Variants in SLC25A10 observed in about 807,000 individuals in gnomAD.
The protein encoded by SLC25A10 is solute carrier family 25 member 10.
Under a neutral mutation model 40.4 loss-of-function variants are expected in SLC25A10, and 32 were observed. The observed-to-expected ratio is 0.79, with a 90% CI of 0.60 to 1.06. SLC25A10 has a LOEUF of 1.06. Ranked by LOEUF, SLC25A10 falls within the 50% of genes least tolerant of loss-of-function variation. SLC25A10 has a pLI of 0.00. For synonymous variants in SLC25A10, 181 were observed against 171.1 expected, an observed-to-expected ratio of 1.06 and a Z score of -0.45; for missense variants, 394 against 402.6, an observed-to-expected ratio of 0.98 and a Z score of 0.18.
chr17:81,717,770 A>C lies in SLC25A10; in HGVS notation c.628-14A>C. On this transcript the variant is annotated splice_polypyrimidine_tract_variant and intron_variant, in intron 8 of 10. Transcript: ENST00000350690. Reference sequence around the variant, plus strand: ...CGTACCTGACAGGCCGCTGGTGACGAGCCCCCTCCTCAGGGTGGATGTGCC... The same window carrying C: ...CGTACCTGACAGGCCGCTGGTGACGCGCCCCCTCCTCAGGGTGGATGTGCC... 6.2e-7 allele frequency: 1 copy of C among 1,609,374 alleles called. No individual in the cohort carries two copies. Among genetic ancestry groups the C allele is most frequent in the Non-Finnish European group, 8.5e-7 (1 of 1,178,808 alleles).
rs2144548239 is a variant in SLC25A10, at chr17:81,720,071, A to G, written c.858A>G (p.Pro286=). ...QLRKNFGIKV[P]S ...GCAAAAACTTTGGCATCAAAGTGCC[A>G]TCCTGACCAGCCGTGGGAATGGCTG... Residue 286 remains proline (P), a synonymous_variant, in exon 11 of 11, where the codon CCA becomes CCG. Coordinates refer to ENST00000350690, the MANE Select transcript of SLC25A10 (RefSeq NM_012140.5). 1.9e-6 allele frequency: 3 copies of G among 1,612,892 alleles called. No individual in the cohort carries two copies. The highest frequency in any genetic ancestry group is 1.1e-5 in the South Asian group (1 of 91,082).
chr17:81,713,773 C>A (rs73354156), intron 1 of SLC25A10, among the ~76,000 whole-genome samples: 1 of 152,226 alleles, frequency 6.6e-6, no homozygotes, highest in Non-Finnish European at 1.5e-5. Context: ...GTCCCTTGTC[C>A]GGGGTCTGAG....
Position 81,715,090 on chromosome 17 carries a change from G to A in SLC25A10, c.213+18G>A, listed in dbSNP as rs779959785. The A allele has an allele frequency of 1.9e-6, 3 of 1,606,332 alleles. No homozygotes were observed. The highest frequency in any genetic ancestry group is 2.5e-6 in the Non-Finnish European group (3 of 1,178,088). ...GCAGACAGGTGCGTGGTGTGTGCCA[G>A]CCTTGGGCTCCCAGACTGGGGCTGA... On this transcript the variant is annotated intron_variant, in intron 2 of 10. Transcript: ENST00000350690.
At position 81,717,383 on chromosome 17, in the gene SLC25A10, C is replaced by G; in HGVS notation, c.535-16C>G. On this transcript the variant is annotated splice_polypyrimidine_tract_variant and intron_variant, in intron 7 of 10. Transcript: ENST00000350690. ...GGGTCCCCCCTACAGCCCTGACCGC[C>G]CTTGTGCCCCTGCAGCTGTCCTGCT... 1 of 1,612,878 alleles carries G rather than the reference C, an allele frequency of 6.2e-7. No individual in the cohort carries two copies. Among genetic ancestry groups the G allele is most frequent in the Non-Finnish European group, 8.5e-7 (1 of 1,179,718 alleles).
rs533555914 is a variant in SLC25A10 at position 81,712,452 on chromosome 17, G to A, written c.26G>A (p.Arg9His). MAAEARVS[R>H]WYFGGLASCG... is the part of the protein sequence containing the mutation. ...ATGGCAGCCGAGGCGCGCGTGTCGC[G>A]CTGGTACTTCGGGGGGCTGGCCTCC... Residue 9 changes from arginine (R) to histidine (H), a missense_variant, in exon 1 of 11, where the codon CGC becomes CAC. By Grantham distance (29) the Arg-to-His change is conservative. Transcript: ENST00000350690. 41 of 1,310,404 alleles carry A rather than the reference G, an allele frequency of 3.1e-5. No individual in the cohort carries two copies. In the African/African-American group the frequency reaches 5.2e-4, roughly 17 times the overall value. The allele number at this position is 1,310,404 out of a possible 1,614,324, so 81.2% of individuals were successfully genotyped here. A position where few individuals can be genotyped will look rare whatever the true frequency, so the allele number is the denominator to read the frequency against.
At chr17:81,716,656 G>T in intron 5 of SLC25A10, 156 bp from the exon 6 acceptor site, 1 of 727,266 alleles carries the variant, frequency 1.4e-6, no homozygotes, top group Non-Finnish European at 2.3e-6. Flanking sequence ...GCTGTGGGAC[G>T]TCAGGACCAG....
intron 9 of SLC25A10, among the ~76,000 whole-genome samples, chr17:81,718,452 C>T (rs192075788): frequency 1.1e-4 from 17 of 150,328 alleles, no homozygotes; most frequent in African/African-American, 3.9e-4. Flanking sequence ...ACCATTGCAC[C>T]CCAGCCTGGG....
At chr17:81,716,966 T>TGGCC in intron 6 of SLC25A10, 36 bp from the exon 7 acceptor site, 1 of 1,455,400 alleles carries the variant, frequency 6.9e-7, no homozygotes. Flanking sequence ...GCCTCACCCC[T>TGGCC]TGCCTCACCC....
chr17:81,716,178 G>A, intron 5 of SLC25A10, 128 bp downstream of exon 5: 1 of 996,444 alleles, frequency 1.0e-6, no homozygotes, highest in Non-Finnish European at 1.5e-6. Flanking sequence ...GGTCCATGGA[G>A]GGTCCTGACG....
In SLC25A10 at chr17:81,720,331, C is replaced by T. The variant is rs988015605; in HGVS notation, c.*254C>T. On this transcript the variant is annotated 3_prime_UTR_variant, in exon 11 of 11. Transcript: ENST00000350690. The stretch of plus-strand genomic sequence containing the variant: ...GCACTGCGTGGCCTTGCCCCTCTCC[C>T]GCTGGCAGCTCCTCAGGGGAACAGG... 37 of 1,425,810 alleles carry T rather than the reference C, an allele frequency of 2.6e-5. No individual in the cohort carries two copies. In the East Asian group the frequency reaches 4.1e-4, roughly 16 times the overall value. 88.3% of individuals were successfully genotyped at this position (1,425,810 alleles called of 1,614,324 possible).
chr17:81,717,672 G>C, intron 8 of SLC25A10, 112 bp from the exon 9 acceptor site: 8 of 1,374,724 alleles, frequency 5.8e-6, no homozygotes, highest in Non-Finnish European at 8.1e-6. Flanking sequence ...GCCCCCGCCA[G>C]CATGTTCCTG....
At chr17:81,718,281 C>G (rs1033574684) in intron 9 of SLC25A10, among the ~76,000 whole-genome samples, 1 of 151,936 alleles carries the variant, frequency 6.6e-6, no homozygotes, top group African/African-American at 2.4e-5. Context: ...GTCAGGAGTT[C>G]AAGACCAGCC....
At chr17:81,717,759 C>T (rs745311700) in intron 8 of SLC25A10, 25 bp from the exon 9 acceptor site, 14 of 1,604,828 alleles carry the variant, frequency 8.7e-6, no homozygotes, top group Middle Eastern at 1.9e-4. Context: ...CCTGACAGGC[C>T]GCTGGTGACG....
chr17:81,717,024 G>A lies in SLC25A10; in HGVS notation c.486G>A (p.Ser162=), dbSNP rs746284476. 15 of 1,613,742 alleles carry A rather than the reference G, an allele frequency of 9.3e-6. No homozygotes were observed. Among genetic ancestry groups the A allele is most frequent in the South Asian group, 4.4e-5 (4 of 91,086 alleles). The part of the protein sequence containing the change: ...AREEGLRRLF[S]GATMASSRGA... ...CAGAGGGTCTCAGGAGACTGTTCTC[G>A]GGTGCAACCATGGCATCCAGCCGAG... The change falls in exon 7 of 11, where the codon TCG becomes TCA. Residue 162 remains serine (S), a synonymous_variant. Coordinates refer to ENST00000350690, the MANE Select transcript of SLC25A10 (RefSeq NM_012140.5).
At chr17:81,718,355 T>C (rs953602484) in intron 9 of SLC25A10, among the ~76,000 whole-genome samples, 15 of 151,816 alleles carry the variant, frequency 9.9e-5, no homozygotes, top group African/African-American at 3.4e-4. Flanking sequence ...TGTGGTGGCG[T>C]GCGCCTGTAA....
At chr17:81,718,719 G>A (rs1378599267) in intron 9 of SLC25A10, among the ~76,000 whole-genome samples, 1 of 151,158 alleles carries the variant, frequency 6.6e-6, no homozygotes, top group African/African-American at 2.4e-5. Context: ...GGAGGCCAAG[G>A]CGGGCAGATC....
chr17:81,716,818 C>T lies in SLC25A10; in HGVS notation c.426C>T (p.Ala142=), dbSNP rs1212898936. Residue 142 remains alanine, a synonymous_variant, in exon 6 of 11, where the codon GCC becomes GCT. Coordinates refer to ENST00000350690, the MANE Select transcript of SLC25A10 (RefSeq NM_012140.5). ...CATTCTGTGTCCCCGGCAGCTACGC[C>T]CATGCGCTGGATGGCCTGTACCGCG... ...KLPQGQRRNY[A]HALDGLYRVA... The T allele has an allele frequency of 6.2e-7, 1 of 1,608,692 alleles. No individual in the cohort carries two copies. Among genetic ancestry groups the T allele is most frequent in the East Asian group, 2.2e-5 (1 of 44,722 alleles).
intron 1 of SLC25A10, 43 bp downstream of exon 1, chr17:81,712,562 G>A: frequency 8.4e-7 from 1 of 1,194,668 alleles, no homozygotes; most frequent in Non-Finnish European, 1.0e-6. Flanking sequence ...GGACCCTGGC[G>A]CCGCCGAGAC....
intron 1 of SLC25A10, chr17:81,713,282 T>C (rs950618870): frequency 2.2e-5 from 4 of 179,400 alleles, no homozygotes; most frequent in African/African-American, 9.6e-5. Flanking sequence ...GGGGCGTTGT[T>C]TTCTGACCGT....
Sources: allele counts gnomAD v4.1 joint callset (sites outside exome capture counted in the v4.1 genomes callset), GRCh38; gene constraint gnomAD v4.1.1; transcripts MANE v1.5; gene names NCBI Gene and HGNC (gene_info 2026-07-23, HGNC 2026-07-21).